Variants in TP73 observed in about 807,000 individuals in gnomAD.
TP73 encodes p53-like transcription factor.
Under a neutral mutation model 62.5 loss-of-function variants are expected in TP73, and 25 were observed. The ratio of observed to expected loss-of-function variants is 0.40; its 90% CI spans 0.29 to 0.56. The LOEUF (loss-of-function observed/expected upper bound fraction) is 0.56. TP73 is among the 20% of genes least tolerant of loss of function. The pLI, the probability that TP73 is intolerant of heterozygous loss-of-function variation, is 0.46. For synonymous variants in TP73, 423 were observed against 377.5 expected, an observed-to-expected ratio of 1.12 and a Z score of -1.40; for missense variants, 754 against 913.3, an observed-to-expected ratio of 0.83 and a Z score of 2.25.
intron 1 of TP73, among the ~76,000 whole-genome samples, chr1:3,659,646 C>T (rs1386401900): frequency 6.6e-6 from 1 of 152,034 alleles, no homozygotes; most frequent in Non-Finnish European, 1.5e-5. Context: ...TACATCACCC[C>T]TCTTTCTACT....
chr1:3,708,019 A>G (rs1639821133), intron 4 of TP73: 3 of 665,034 alleles, frequency 4.5e-6, no homozygotes, highest in Non-Finnish European at 7.5e-6. Flanking sequence ...TCAGCCTCCA[A>G]AGGGCCACAG....
At chr1:3,720,799 C>T (rs1432524048) in intron 4 of TP73, among the ~76,000 whole-genome samples, 2 of 152,246 alleles carry the variant, frequency 1.3e-5, no homozygotes, top group African/African-American at 4.8e-5. Context: ...GGTCAGGGCC[C>T]CCTAACTTCC....
At chr1:3,715,070 G>A (rs1352523310) in intron 4 of TP73, among the ~76,000 whole-genome samples, 1 of 152,192 alleles carries the variant, frequency 6.6e-6, no homozygotes, top group African/African-American at 2.4e-5. Context: ...AGTGGAGGCT[G>A]GAGCTGTCCA....
At position 3,696,592 on chromosome 1, in the gene TP73, G is replaced by A. The variant is rs190063297; in HGVS notation, c.187-10957G>A. ...GGCAGCCTGGGAGGCCAGGAGGCAC[G>A]AGAGGCTGGCTGGGAGAACAGAAAA... is the stretch of plus-strand genomic sequence containing the variant. On this transcript the variant is annotated intron_variant, in intron 3 of 13. Transcript: ENST00000378295. This position sits in a 1 kb window ranked among gnomAD's most constrained non-coding sequence, Gnocchi z 4.1. 5.3e-5 allele frequency among the ~76,000 whole-genome samples: 8 copies of A among 151,902 alleles called. No homozygotes were observed. The highest frequency in any genetic ancestry group is 1.0e-4 in the Non-Finnish European group (7 of 67,962).
At position 3,710,311 on chromosome 1, in the gene TP73, G is replaced by C. The variant is rs533275034; in HGVS notation, c.429+2520G>C. Among the ~76,000 whole-genome samples the C allele has an allele frequency of 1.4e-3, 209 of 152,246 alleles. 1 individual carries two copies. The highest frequency in any genetic ancestry group is 4.9e-3 in the African/African-American group (202 of 41,526). On this transcript the variant is annotated intron_variant, in intron 4 of 13. Transcript: ENST00000378295. ...GGGGTGGGACAAACATTGATAATGA[G>C]ATTTTTGGCACCTCAGCTCTCTGGG...
intron 4 of TP73, among the ~76,000 whole-genome samples, chr1:3,716,583 ATC>A (rs1640614175): frequency 1.3e-5 from 2 of 152,164 alleles, no homozygotes; most frequent in Non-Finnish European, 2.9e-5. Flanking sequence ...CCTCCCTGAC[ATC>A]TGTCAGAGCC....
intron 1 of TP73, among the ~76,000 whole-genome samples, chr1:3,667,137 G>C (rs940200661): frequency 1.4e-4 from 21 of 152,160 alleles, no homozygotes; most frequent in African/African-American, 5.1e-4. Flanking sequence ...TGCGGAAGCA[G>C]GAGAGGACGG....
chr1:3,706,293 TAA>T (rs1400022557), intron 3 of TP73, among the ~76,000 whole-genome samples: 5 of 151,398 alleles, frequency 3.3e-5, no homozygotes, highest in Admixed American at 1.3e-4. Flanking sequence ...TCCTCATCTG[TAA>T]AATGGGGACA....
chr1:3,691,044 G>A lies in TP73; in HGVS notation c.186+7864G>A, dbSNP rs187809543. ...GGGGCATCCTTCTGCCTGCCTTCCT[G>A]GCCTGGAGTCTGCTGCCAGTTGGGG... On this transcript the variant is annotated intron_variant, in intron 3 of 13. Transcript: ENST00000378295. The A allele has an allele frequency of 1.9e-4, 293 of 1,508,058 alleles. 1 individual carries two copies. The African/African-American group carries it at 3.3e-3, about 17-fold the overall frequency. 93.4% of individuals were successfully genotyped at this position (1,508,058 alleles called of 1,614,324 possible).
At chr1:3,658,435 C>T (rs777497278) in intron 1 of TP73, among the ~76,000 whole-genome samples, 2 of 152,168 alleles carry the variant, frequency 1.3e-5, no homozygotes, top group Non-Finnish European at 2.9e-5. Flanking sequence ...TGCAGATGTC[C>T]GTCCTCTGTG....
intron 1 of TP73, among the ~76,000 whole-genome samples, chr1:3,674,368 C>T (rs371907089): frequency 4.6e-5 from 7 of 152,240 alleles, no homozygotes; most frequent in Admixed American, 1.3e-4. Flanking sequence ...GTGCACGCTA[C>T]CCCACCGTGG....
chr1:3,685,310 C>T (rs1440306081), intron 3 of TP73, among the ~76,000 whole-genome samples: 1 of 152,188 alleles, frequency 6.6e-6, no homozygotes, highest in Non-Finnish European at 1.5e-5. Context: ...TCCGAGCCCC[C>T]GCCTGCTGGA....
chr1:3,692,275 T>G (rs375939129), intron 3 of TP73, among the ~76,000 whole-genome samples: 1,570 of 152,034 alleles, frequency 0.01, 28 homozygotes, highest in African/African-American at 0.036. Context: ...AGAGAGGCAG[T>G]GTGTGTGTGT....
intron 1 of TP73, among the ~76,000 whole-genome samples, chr1:3,655,651 C>T (rs1013134723): frequency 6.6e-6 from 1 of 152,176 alleles, no homozygotes; most frequent in African/African-American, 2.4e-5. Context: ...AATGTTTTAT[C>T]ACCAGTAAGT....
chr1:3,736,094 TA>T lies in TP73; in HGVS notation c.*3017del, dbSNP rs1557604973. 1 of 152,252 alleles carries T rather than the reference TA, an allele frequency of 6.6e-6. No individual in the cohort carries two copies. The highest frequency in any genetic ancestry group is 2.4e-5 in the African/African-American group (1 of 41,472). The allele number at this position is 152,252 out of a possible 1,614,324, so 9.4% of individuals were successfully genotyped here. Reference sequence around the variant, plus strand: ...TATTAATGGACGCCCTCCAATGACATAACAACTGTTTTTGGTAATGTAATCT... The same window carrying T: ...TATTAATGGACGCCCTCCAATGACATACAACTGTTTTTGGTAATGTAATCT... On this transcript the variant is annotated 3_prime_UTR_variant, in exon 14 of 14. Coordinates refer to ENST00000378295, the MANE Select transcript of TP73 (RefSeq NM_005427.4).
At chr1:3,695,869 T>C (rs1885869) in intron 3 of TP73, among the ~76,000 whole-genome samples, 139,378 of 152,312 alleles carry the variant, frequency 0.92, 63,971 homozygotes, top group East Asian at 1. Context: ...GCCCCGCCGG[T>C]CAGGTGGTAC....
intron 5 of TP73, among the ~76,000 whole-genome samples, chr1:3,722,974 G>GCA (rs1641210749): frequency 6.8e-6 from 1 of 146,758 alleles, no homozygotes; most frequent in African/African-American, 2.5e-5. Context: ...CACAGGGCTG[G>GCA]GCACCTCTGC....
chr1:3,693,444 C>T (rs374243567), intron 3 of TP73, among the ~76,000 whole-genome samples: 4 of 152,252 alleles, frequency 2.6e-5, no homozygotes, highest in South Asian at 2.1e-4. Flanking sequence ...CAGCTGGGCC[C>T]GCCAATTGCC....
In TP73 at chr1:3,717,603, AC is replaced by A. The variant is rs554653621; in HGVS notation, c.430-4416del. ...TGACCTTTCCTATAGAATAGGCTCC[AC>A]CGGAGTCCTCCTCCTCCTGCCCGTT... On this transcript the variant is annotated intron_variant, in intron 4 of 13. Transcript: ENST00000378295. Among the ~76,000 whole-genome samples the A allele has an allele frequency of 2.5e-3, 378 of 152,232 alleles. 1 individual carries two copies. The highest frequency in any genetic ancestry group is 3.4e-3 in the Middle Eastern group (1 of 294).
Sources: allele counts gnomAD v4.1 joint callset (sites outside exome capture counted in the v4.1 genomes callset), GRCh38; gene constraint gnomAD v4.1.1; non-coding constraint Gnocchi (gnomAD v3.1); transcripts MANE v1.5; gene names NCBI Gene and HGNC (gene_info 2026-07-23, HGNC 2026-07-21).